ZNF670: variants seen among roughly 807,000 people sequenced by gnomAD.
The protein encoded by ZNF670 is zinc finger protein 670.
Under a neutral mutation model 10.9 loss-of-function variants are expected in ZNF670, and 7 were observed. The observed-to-expected ratio is 0.64, with a 90% CI of 0.36 to 1.20. The LOEUF is 1.20. Among genes scored for constraint, ZNF670 ranks in the 50% most tolerant of loss-of-function variants. The pLI is 0.02. For missense variants in ZNF670, 446 were observed against 458.6 expected, an observed-to-expected ratio of 0.97 and a Z score of 0.25; for synonymous variants, 136 against 152.7, an observed-to-expected ratio of 0.89 and a Z score of 0.81.
At chr1:247,057,602 A>C (rs1670750458) in intron 1 of ZNF670, among the ~76,000 whole-genome samples, 2 of 152,250 alleles carry the variant, frequency 1.3e-5, no homozygotes, top group South Asian at 4.1e-4. Context: ...TCAACAGAAG[A>C]ATGGATGAAG....
rs1329265640 is a variant in ZNF670, at chr1:247,038,135, T to C, written c.484A>G (p.Thr162Ala). ...TTATAAGGCCCATTACTAGTGTGTG[T>C]TACCATGTGTCTGTCAACACTGGTG... is the stretch of plus-strand genomic sequence containing the variant. ...SLTSVDRHMV[T>A]HTSNGPYKGP... The change falls in exon 4 of 4, where the codon ACA (threonine) becomes GCA (alanine). Residue 162 changes from threonine to alanine, a missense_variant. Transcript: ENST00000366503. The C allele has an allele frequency of 6.2e-7, 1 of 1,614,180 alleles. No individual in the cohort carries two copies. The highest frequency in any genetic ancestry group is 2.2e-5 in the East Asian group (1 of 44,866).
At chr1:247,059,643 C>T (rs139570288) in intron 1 of ZNF670, among the ~76,000 whole-genome samples, 1 of 151,616 alleles carries the variant, frequency 6.6e-6, no homozygotes, top group Admixed American at 6.6e-5. Context: ...GCTGAAAAAC[C>T]AGAAGGTTAA....
At chr1:247,064,100 A>G (rs1572569039) in intron 1 of ZNF670, among the ~76,000 whole-genome samples, 2 of 152,290 alleles carry the variant, frequency 1.3e-5, no homozygotes, top group Admixed American at 1.3e-4. Context: ...CATCCTGCAC[A>G]CTCACCATTT....
At chr1:247,049,326 A>G (rs1018763947) in intron 1 of ZNF670, among the ~76,000 whole-genome samples, 10 of 151,984 alleles carry the variant, frequency 6.6e-5, no homozygotes, top group African/African-American at 2.2e-4. Flanking sequence ...TCGGCTTCCC[A>G]AAGTGCTGGG....
rs556198161 is a variant in ZNF670 at position 247,077,902 on chromosome 1, C to A, written c.3+692G>T. On this transcript the variant is annotated intron_variant, in intron 1 of 3. Coordinates refer to ENST00000366503, the MANE Select transcript of ZNF670 (RefSeq NM_033213.5). ...TCCATCATACACATGTACATACACA[C>A]ATGAATGAATAAACAACCAACCAAA... Among the ~76,000 whole-genome samples the A allele has an allele frequency of 2.0e-5, 3 of 152,280 alleles. No individual in the cohort carries two copies. In the South Asian group the frequency reaches 6.2e-4, roughly 32 times the overall value.
chr1:247,073,398 G>A (rs941530490), intron 1 of ZNF670, among the ~76,000 whole-genome samples: 2 of 150,022 alleles, frequency 1.3e-5, no homozygotes, highest in Non-Finnish European at 2.9e-5. Context: ...TAGGGAATGA[G>A]TGAAGGCAAG....
chr1:247,038,539 AAATT>A, intron 3 of ZNF670, 112 bp from the exon 4 acceptor site: 6 of 1,159,272 alleles, frequency 5.2e-6, no homozygotes, highest in Admixed American at 2.6e-5. Flanking sequence ...TAAAGTAAAT[AAATT>A]AATTACTGTA....
intron 1 of ZNF670, chr1:247,043,504 C>A: frequency 1.5e-6 from 1 of 652,296 alleles, no homozygotes. Context: ...ATAACAAAAG[C>A]TGGGATAAGA....
intron 1 of ZNF670, among the ~76,000 whole-genome samples, chr1:247,040,737 G>C (rs1670284297): frequency 6.6e-6 from 1 of 151,832 alleles, no homozygotes; most frequent in African/African-American, 2.4e-5. Flanking sequence ...TTGTTGCCCG[G>C]GCTGGAGTGC....
intron 1 of ZNF670, among the ~76,000 whole-genome samples, chr1:247,058,982 C>T (rs1031814124): frequency 6.6e-6 from 1 of 152,152 alleles, no homozygotes; most frequent in Admixed American, 6.6e-5. Context: ...TCTCTATACG[C>T]TCTTCCAGAA....
intron 1 of ZNF670, chr1:247,042,956 G>A (rs527559500): frequency 1.6e-5 from 11 of 702,804 alleles, no homozygotes; most frequent in Non-Finnish European, 2.1e-5. Context: ...CATTACATTC[G>A]ATACCAATCC....
At position 247,035,521 on chromosome 1, in the gene ZNF670, A is replaced by C. The variant is rs1364848046; in HGVS notation, c.*1928T>G. ...AAATATGTTAGGCTACAGACTGATA[A>C]GATCAAAATAGTATGTTATAATGCC... is the stretch of plus-strand genomic sequence containing the variant. On this transcript the variant is annotated 3_prime_UTR_variant, in exon 4 of 4. Transcript: ENST00000366503. Among the ~76,000 whole-genome samples the C allele has an allele frequency of 2.0e-5, 3 of 152,238 alleles. No homozygotes were observed. Among genetic ancestry groups the C allele is most frequent in the Admixed American group, 6.5e-5 (1 of 15,290 alleles).
At chr1:247,046,885 T>C (rs57764062) in intron 1 of ZNF670, among the ~76,000 whole-genome samples, 4,208 of 152,228 alleles carry the variant, frequency 0.028, 193 homozygotes, top group African/African-American at 0.094. Context: ...AACAGGTAAA[T>C]ACACCGGTTC....
rs186879009 is a variant in ZNF670 at position 247,043,234 on chromosome 1, A to G, written c.4-3697T>C. The G allele has an allele frequency of 5.3e-4, 367 of 690,184 alleles. 6 individuals are homozygous for G. The highest frequency in any genetic ancestry group is 5.3e-3 in the African/African-American group (305 of 57,826). The allele number at this position is 690,184 out of a possible 1,614,324, so 42.8% of individuals were successfully genotyped here. ...ATCACTAACACAGCACTGAAGGAGGACTTTGGATTTAAGCATTGTCTCTGG... is the reference window on the plus strand; with the variant it reads ...ATCACTAACACAGCACTGAAGGAGGGCTTTGGATTTAAGCATTGTCTCTGG... On this transcript the variant is annotated intron_variant, in intron 1 of 3. Transcript: ENST00000366503.
In ZNF670 at chr1:247,036,871, T is replaced by TACAAACACACAC. The variant is rs1553319363; in HGVS notation, c.*577_*578insGTGTGTGTTTGT. ...GTAGTTTTCCCATAAAAAGGTAGAA[T>TACAAACACACAC]ACACACACACACACACACACACACA... On this transcript the variant is annotated 3_prime_UTR_variant, in exon 4 of 4. Transcript: ENST00000366503. 1 of 143,732 alleles carries TACAAACACACAC rather than the reference T, an allele frequency of 7.0e-6. No individual in the cohort carries two copies. Among genetic ancestry groups the TACAAACACACAC allele is most frequent in the Non-Finnish European group, 1.5e-5 (1 of 65,832 alleles). The allele number at this position is 143,732 out of a possible 1,614,324, so 8.9% of individuals were successfully genotyped here.
chr1:247,039,343 G>A, intron 2 of ZNF670, 68 bp downstream of exon 2: 1 of 1,562,286 alleles, frequency 6.4e-7, no homozygotes, highest in South Asian at 1.2e-5. Flanking sequence ...TTACAGGTGT[G>A]AGCCACCACG....
At chr1:247,066,251 C>T (rs985785403) in intron 1 of ZNF670, among the ~76,000 whole-genome samples, 1 of 152,146 alleles carries the variant, frequency 6.6e-6, no homozygotes, top group Non-Finnish European at 1.5e-5. Context: ...GTGGGAACCC[C>T]ACCCAGGATT....
intron 1 of ZNF670, chr1:247,042,988 G>T: frequency 1.3e-6 from 1 of 747,028 alleles, no homozygotes; most frequent in South Asian, 1.4e-5. Context: ...GAGTGATCTG[G>T]AAAAGGAGAT....
intron 1 of ZNF670, among the ~76,000 whole-genome samples, chr1:247,048,410 T>A (rs1447110880): frequency 2.0e-5 from 3 of 152,220 alleles, no homozygotes; most frequent in Admixed American, 2.0e-4. Context: ...ACTGTCTATA[T>A]CACTATCAGC....
Sources: allele counts gnomAD v4.1 joint callset (sites outside exome capture counted in the v4.1 genomes callset), GRCh38; gene constraint gnomAD v4.1.1; transcripts MANE v1.5; gene names NCBI Gene and HGNC (gene_info 2026-07-23, HGNC 2026-07-21).